The following SLC4A4 variants were observed in gnomAD, a reference collection of about 807,000 sequenced individuals.
SLC4A4 encodes the protein electrogenic sodium bicarbonate cotransporter 1.
Under a neutral mutation model 111.5 loss-of-function variants are expected in SLC4A4, and 27 were observed. That is an observed-to-expected ratio of 0.24 (90% CI 0.18 to 0.33). SLC4A4 has a LOEUF of 0.33. Ranked by LOEUF, SLC4A4 falls within the 10% of genes least tolerant of loss-of-function variation. The pLI is 1.00. For synonymous variants in SLC4A4, 443 were observed against 463.4 expected (o/e 0.96, Z 0.57); for missense variants, 909 against 1,315.5 (o/e 0.69, Z 4.78).
intron 6 of SLC4A4, among the ~76,000 whole-genome samples, chr4:71,376,700 CG>C (rs1732437149): frequency 6.6e-6 from 1 of 151,472 alleles, no homozygotes; most frequent in African/African-American, 2.4e-5. Flanking sequence ...TGCAGTGGTG[CG>C]ATCTGTCTCA....
At chr4:71,293,811 C>T (rs1200104153) in intron 3 of SLC4A4, among the ~76,000 whole-genome samples, 1 of 152,166 alleles carries the variant, frequency 6.6e-6, no homozygotes, top group East Asian at 1.9e-4. Context: ...GTGTTTTGAA[C>T]TTTCAGGGCA....
At chr4:71,526,549 A>G (rs953798339) in intron 16 of SLC4A4, among the ~76,000 whole-genome samples, 1 of 152,128 alleles carries the variant, frequency 6.6e-6, no homozygotes, top group Non-Finnish European at 1.5e-5. Flanking sequence ...ACGTATATAC[A>G]TATGTATTAT....
intron 2 of SLC4A4, among the ~76,000 whole-genome samples, chr4:71,133,506 G>A (rs1026762793): frequency 6.6e-6 from 1 of 152,208 alleles, no homozygotes; most frequent in African/African-American, 2.4e-5. Flanking sequence ...GTTCTTCTCT[G>A]TGTGGCCAGC....
chr4:71,212,423 C>T (rs1207095759), intron 1 of SLC4A4, among the ~76,000 whole-genome samples: 2 of 152,194 alleles, frequency 1.3e-5, no homozygotes, highest in Non-Finnish European at 2.9e-5. Context: ...GCCTCTGGAG[C>T]TGGGCAGAAG....
chr4:71,285,711 G>T (rs1355470297), intron 3 of SLC4A4, among the ~76,000 whole-genome samples: 1 of 152,098 alleles, frequency 6.6e-6, no homozygotes, highest in Non-Finnish European at 1.5e-5. Context: ...TTGAAAAGAT[G>T]CATTTAAAGG....
chr4:71,177,464 A>G (rs1745131591), intron 2 of SLC4A4, among the ~76,000 whole-genome samples: 1 of 152,208 alleles, frequency 6.6e-6, no homozygotes, highest in Non-Finnish European at 1.5e-5. Flanking sequence ...CATAGGCTCA[A>G]AATAAAGGGA....
chr4:71,225,027 T>C (rs1344673501), intron 1 of SLC4A4, among the ~76,000 whole-genome samples: 2 of 152,198 alleles, frequency 1.3e-5, no homozygotes, highest in African/African-American at 2.4e-5. Context: ...ACTTGGCAAG[T>C]AGTAAGTATT....
chr4:71,530,643 T>C (rs929269426), intron 16 of SLC4A4, among the ~76,000 whole-genome samples: 1 of 152,086 alleles, frequency 6.6e-6, no homozygotes, highest in Admixed American at 6.6e-5. Flanking sequence ...AGAAAGGAAC[T>C]CCAGGCCAAA....
At chr4:71,283,042 A>G (rs1723647179) in intron 3 of SLC4A4, among the ~76,000 whole-genome samples, 1 of 152,208 alleles carries the variant, frequency 6.6e-6, no homozygotes, top group Non-Finnish European at 1.5e-5. Flanking sequence ...GTGAAATTTT[A>G]TTATGAAAAT....
chr4:71,158,389 C>A (rs1173819069), intron 2 of SLC4A4, among the ~76,000 whole-genome samples: 1 of 152,114 alleles, frequency 6.6e-6, no homozygotes, highest in Non-Finnish European at 1.5e-5. Flanking sequence ...AATAAACAGA[C>A]TAATCAACAC....
At chr4:71,128,040 C>T (rs563760772) in intron 2 of SLC4A4, among the ~76,000 whole-genome samples, 5 of 152,302 alleles carry the variant, frequency 3.3e-5, no homozygotes, top group East Asian at 1.9e-4. Context: ...AAGCTGTCAT[C>T]GTGCCACTAC....
chr4:71,176,294 A>C (rs1745092388), intron 2 of SLC4A4, among the ~76,000 whole-genome samples: 1 of 152,274 alleles, frequency 6.6e-6, no homozygotes, highest in Non-Finnish European at 1.5e-5. Context: ...AGAGGAATGC[A>C]GCTCCTCACT....
At chr4:71,184,343 CT>C (rs1300746376), upstream of SLC4A4, among the ~76,000 whole-genome samples, 2 of 152,184 alleles carry the variant, frequency 1.3e-5, no homozygotes, top group Non-Finnish European at 2.9e-5. Context: ...AAACTTTCAT[CT>C]TCATTCTTCT....
At chr4:71,267,357 G>T (rs1179935733) in intron 3 of SLC4A4, among the ~76,000 whole-genome samples, 1 of 151,952 alleles carries the variant, frequency 6.6e-6, no homozygotes, top group African/African-American at 2.4e-5. Flanking sequence ...AAAAAATTTT[G>T]GTGAAGGCTG....
chr4:71,403,479 C>A (rs557731065), intron 7 of SLC4A4, among the ~76,000 whole-genome samples: 3 of 152,220 alleles, frequency 2.0e-5, no homozygotes, highest in South Asian at 2.1e-4. Context: ...AAAGTGCTAT[C>A]TTGAAAATAA....
At chr4:71,108,924 A>C (rs1202055987) in intron 2 of SLC4A4, among the ~76,000 whole-genome samples, 1 of 151,870 alleles carries the variant, frequency 6.6e-6, no homozygotes, top group Non-Finnish European at 1.5e-5. Context: ...TTCTTTAAGC[A>C]TCTTTAAGAC....
intron 4 of SLC4A4, among the ~76,000 whole-genome samples, chr4:71,347,013 C>T (rs528714527): frequency 6.6e-6 from 1 of 152,128 alleles, no homozygotes; most frequent in East Asian, 1.9e-4. Flanking sequence ...TTTTAAGAAA[C>T]TGGCTAGTTT....
chr4:71,091,544 C>T (rs1197117296), intron 1 of SLC4A4, among the ~76,000 whole-genome samples: 5 of 151,900 alleles, frequency 3.3e-5, no homozygotes, highest in African/African-American at 9.7e-5. Context: ...TGAGCCACTG[C>T]ACCCGGCCTG....
intron 7 of SLC4A4, chr4:71,434,266 A>T (rs968241173): frequency 4.6e-5 from 7 of 152,016 alleles, no homozygotes; most frequent in Non-Finnish European, 8.8e-5. Context: ...GTTATTACAT[A>T]CTCTATTTTA....
Sources: allele counts gnomAD v4.1 joint callset (sites outside exome capture counted in the v4.1 genomes callset), GRCh38; gene constraint gnomAD v4.1.1; transcripts MANE v1.5; gene names NCBI Gene and HGNC (gene_info 2026-07-23, HGNC 2026-07-21).